TENM2: variants seen among roughly 807,000 people sequenced by gnomAD.
The protein encoded by TENM2 is teneurin-2.
In TENM2, 52 loss-of-function variants were observed where a neutral mutation model predicts 245.2. The observed-to-expected ratio is 0.21, with a 90% CI of 0.17 to 0.27. The LOEUF (loss-of-function observed/expected upper bound fraction) is 0.27, where lower values mean the gene tolerates loss of function less well. Ranked by LOEUF, TENM2 falls within the 10% of genes least tolerant of loss-of-function variation. The pLI is 1.00. For missense variants in TENM2, 3,046 were observed against 3,666.8 expected (o/e 0.83, Z 4.37); for synonymous variants, 1,363 against 1,438.9 (o/e 0.95, Z 1.19).
At chr5:167,190,650 C>T in the TENM2 span, among the ~76,000 whole-genome samples, 3 of 151,928 alleles carry the variant, frequency 2.0e-5, no homozygotes, top group Non-Finnish European at 4.4e-5. Context: ...AAGAGAGAGC[C>T]AAGGAGCCAT....
intron 2 of TENM2, among the ~76,000 whole-genome samples, chr5:167,566,354 T>G (rs1264810914): frequency 6.6e-6 from 1 of 152,292 alleles, no homozygotes; most frequent in Non-Finnish European, 1.5e-5. Context: ...CTGTTGTAAT[T>G]CCATCACATT....
At chr5:168,022,763 A>G (rs76264128) in intron 5 of TENM2, among the ~76,000 whole-genome samples, 31,577 of 152,114 alleles carry the variant, frequency 0.21, 3,447 homozygotes, top group Admixed American at 0.31. Context: ...TAACGGGAGG[A>G]GGCAGAGAAC....
intron 2 of TENM2, among the ~76,000 whole-genome samples, chr5:167,649,363 C>A (rs1338789088): frequency 2.6e-5 from 4 of 152,148 alleles, no homozygotes; most frequent in Non-Finnish European, 5.9e-5. Context: ...TGCTGGAGAA[C>A]TCAGCATTCT....
the TENM2 span, among the ~76,000 whole-genome samples, chr5:167,092,944 A>T: frequency 6.6e-6 from 1 of 152,142 alleles, no homozygotes; most frequent in Non-Finnish European, 1.5e-5. Flanking sequence ...TCTGACTTGG[A>T]ATCTTAGATT....
At chr5:167,218,875 C>T in the TENM2 span, among the ~76,000 whole-genome samples, 39 of 152,284 alleles carry the variant, frequency 2.6e-4, no homozygotes, top group African/African-American at 8.9e-4. Context: ...AAGAATTGCA[C>T]TCTAATTATT....
chr5:167,637,424 A>T lies in TENM2; in HGVS notation c.503-238562A>T, dbSNP rs182239245. 4.4e-4 allele frequency among the ~76,000 whole-genome samples: 67 copies of T among 152,272 alleles called. No homozygotes were observed. In the East Asian group the frequency reaches 8.1e-3, roughly 18 times the overall value. On this transcript the variant is annotated intron_variant, in intron 2 of 28. Transcript: ENST00000518659. ...ATATATGATAATGCAAAGTAAGTAT[A>T]AAAAAATTAGAATTTAGACCATTTG...
At chr5:167,872,415 A>G (rs1772953443) in intron 2 of TENM2, among the ~76,000 whole-genome samples, 1 of 151,158 alleles carries the variant, frequency 6.6e-6, no homozygotes, top group African/African-American at 2.4e-5. Context: ...AAAAAGAGAA[A>G]GAGAGAGACA....
intron 2 of TENM2, among the ~76,000 whole-genome samples, chr5:167,844,809 AG>A (rs1226427618): frequency 2.7e-5 from 4 of 149,370 alleles, no homozygotes; most frequent in African/African-American, 9.9e-5. Flanking sequence ...GGGGGTTTTC[AG>A]GTATGTAAAT....
intron 12 of TENM2, among the ~76,000 whole-genome samples, chr5:168,152,903 A>G (rs1013060561): frequency 1.3e-5 from 2 of 152,170 alleles, no homozygotes; most frequent in Admixed American, 6.5e-5. Flanking sequence ...CTGGGCTGCA[A>G]CCAGCTGCTT....
intron 25 of TENM2, among the ~76,000 whole-genome samples, chr5:168,236,950 A>ATATG (rs1765482815): frequency 1.2e-3 from 1 of 856 alleles, no homozygotes; most frequent in African/African-American, 4.4e-3. Flanking sequence ...ATATATATAT[A>ATATG]TATATATATA....
At chr5:168,245,406 C>T (rs1562329336) in intron 26 of TENM2, among the ~76,000 whole-genome samples, 1 of 152,058 alleles carries the variant, frequency 6.6e-6, no homozygotes, top group Non-Finnish European at 1.5e-5. Flanking sequence ...CTAAATTAAG[C>T]CGTCAGGATG....
At chr5:167,374,427 T>C (rs1760620779) in intron 1 of TENM2, among the ~76,000 whole-genome samples, 1 of 151,724 alleles carries the variant, frequency 6.6e-6, no homozygotes, top group Admixed American at 6.6e-5. Flanking sequence ...CGTATCCCTC[T>C]CTTTAAGCAA....
chr5:167,717,602 A>AT (rs915406053), intron 2 of TENM2, among the ~76,000 whole-genome samples: 3 of 151,982 alleles, frequency 2.0e-5, no homozygotes, highest in African/African-American at 4.8e-5. Flanking sequence ...AAATTAATTA[A>AT]TTTTTTTTGG....
At chr5:168,251,039 G>T (rs769194480) in intron 27 of TENM2, among the ~76,000 whole-genome samples, 6 of 152,188 alleles carry the variant, frequency 3.9e-5, no homozygotes, top group Non-Finnish European at 8.8e-5. Context: ...GAGTGTTCCA[G>T]AGACAGGAAA....
the TENM2 span, among the ~76,000 whole-genome samples, chr5:167,015,124 T>TAAC: frequency 1.3e-5 from 2 of 152,328 alleles, no homozygotes; most frequent in African/African-American, 4.8e-5. Context: ...TAAACATTTT[T>TAAC]AACTATGGAG....
intron 2 of TENM2, among the ~76,000 whole-genome samples, chr5:167,742,947 G>T (rs2150599717): frequency 6.6e-6 from 1 of 151,398 alleles, no homozygotes; most frequent in Admixed American, 6.6e-5. Context: ...CAGCCTGGGT[G>T]CTGGGTGACA....
intron 2 of TENM2, among the ~76,000 whole-genome samples, chr5:167,828,687 G>T (rs865954511): frequency 8.5e-5 from 13 of 152,224 alleles, no homozygotes; most frequent in South Asian, 2.1e-4. Flanking sequence ...CAAATTATCT[G>T]ATGACTAAAA....
intron 2 of TENM2, among the ~76,000 whole-genome samples, chr5:167,652,791 TA>T (rs1162460490): frequency 6.6e-6 from 1 of 152,222 alleles, no homozygotes; most frequent in Non-Finnish European, 1.5e-5. Context: ...GGACCTGAAA[TA>T]GTGAAATAAT....
At chr5:167,914,482 G>C (rs1394449052) in intron 3 of TENM2, among the ~76,000 whole-genome samples, 1 of 151,838 alleles carries the variant, frequency 6.6e-6, no homozygotes, top group Non-Finnish European at 1.5e-5. Context: ...GATTACATTG[G>C]GTCCACCCAG....
Sources: allele counts gnomAD v4.1 joint callset (sites outside exome capture counted in the v4.1 genomes callset), GRCh38; gene constraint gnomAD v4.1.1; transcripts MANE v1.5; gene names NCBI Gene and HGNC (gene_info 2026-07-23, HGNC 2026-07-21).